USP25: variants seen among roughly 807,000 people sequenced by gnomAD.
USP25 encodes ubiquitin specific peptidase 25.
Under a neutral mutation model 158.5 loss-of-function variants are expected in USP25, and 85 were observed. The ratio of observed to expected loss-of-function variants is 0.54; its 90% CI spans 0.45 to 0.64. The LOEUF is 0.64. Among genes scored for constraint, USP25 ranks in the 30% least tolerant of loss-of-function variants. USP25 has a pLI of 0.00. For missense variants in USP25, 1,242 were observed against 1,327.3 expected (o/e 0.94, Z 1.00); for synonymous variants, 464 against 460.4 (o/e 1.01, Z -0.10).
chr21:15,856,654 G>A (rs1318432246), intron 20 of USP25, among the ~76,000 whole-genome samples: 1 of 152,028 alleles, frequency 6.6e-6, no homozygotes, highest in Non-Finnish European at 1.5e-5. Flanking sequence ...TGTATTTTTA[G>A]TAGAGACAGG....
intron 1 of USP25, among the ~76,000 whole-genome samples, chr21:15,751,683 CT>C (rs1217676289): frequency 2.0e-5 from 3 of 152,188 alleles, no homozygotes; most frequent in Non-Finnish European, 1.5e-5. Context: ...AATATAGGCA[CT>C]CTAATTTAAA....
rs1173324560 is a variant in USP25, at chr21:15,730,349, G to C, written c.-45G>C. 1 of 1,153,234 alleles carries C rather than the reference G, an allele frequency of 8.7e-7. No homozygotes were observed. The highest frequency in any genetic ancestry group is 1.1e-6 in the Non-Finnish European group (1 of 939,176). The allele number at this position is 1,153,234 out of a possible 1,614,324, so 71.4% of individuals were successfully genotyped here. ...CAGCCAGGGCCGGCGGAGGCGCGAGGAGCCGGGCGCCACCGCCGCCGCCGC... is the reference window on the plus strand; with the variant it reads ...CAGCCAGGGCCGGCGGAGGCGCGAGCAGCCGGGCGCCACCGCCGCCGCCGC... On this transcript the variant is annotated 5_prime_UTR_variant, in exon 1 of 26. Transcript: ENST00000400183.
chr21:15,753,105 T>G (rs2033141302), intron 1 of USP25, among the ~76,000 whole-genome samples: 1 of 152,162 alleles, frequency 6.6e-6, no homozygotes, highest in Non-Finnish European at 1.5e-5. Context: ...GGAGGTTTTA[T>G]GGGGTGATGG....
intron 1 of USP25, 90 bp from the exon 2 acceptor site, chr21:15,762,801 G>C (rs2033810199): frequency 8.2e-7 from 1 of 1,226,286 alleles, no homozygotes; most frequent in Non-Finnish European, 1.1e-6. Context: ...TTTTTTGTTT[G>C]TTTTGGAAAA....
chr21:15,868,539 C>A lies in USP25; in HGVS notation c.2806-1529C>A, dbSNP rs1234310750. Among the ~76,000 whole-genome samples the A allele has an allele frequency of 3.9e-5, 6 of 152,240 alleles. No individual in the cohort carries two copies. The East Asian group carries it at 7.7e-4, about 20-fold the overall frequency. ...TATTCTAACTGCAGGGCTGTTAAATCATACAAGTATTTAAATGACTTGTTT... is the reference window on the plus strand; with the variant it reads ...TATTCTAACTGCAGGGCTGTTAAATAATACAAGTATTTAAATGACTTGTTT... On this transcript the variant is annotated intron_variant, in intron 22 of 25. Coordinates refer to ENST00000400183, the MANE Select transcript of USP25 (RefSeq NM_001283041.3).
At chr21:15,775,767 C>T (rs2034619528) in intron 3 of USP25, among the ~76,000 whole-genome samples, 1 of 133,998 alleles carries the variant, frequency 7.5e-6, no homozygotes, top group South Asian at 2.8e-4. Flanking sequence ...CCCCGCTGCA[C>T]TCTGCCTTCC....
intron 1 of USP25, among the ~76,000 whole-genome samples, chr21:15,757,170 C>A (rs907032655): frequency 3.9e-5 from 6 of 152,162 alleles, no homozygotes; most frequent in African/African-American, 1.2e-4. Context: ...AAAAACACAA[C>A]TGGAAGATGC....
chr21:15,868,739 A>G (rs1197376030), intron 22 of USP25, among the ~76,000 whole-genome samples: 1 of 152,176 alleles, frequency 6.6e-6, no homozygotes, highest in African/African-American at 2.4e-5. Context: ...GAGTTGAGTA[A>G]CTGAAGAAGA....
At chr21:15,746,770 G>C (rs552400831) in intron 1 of USP25, among the ~76,000 whole-genome samples, 67 of 152,248 alleles carry the variant, frequency 4.4e-4, no homozygotes, top group African/African-American at 1.5e-3. Context: ...TATGAAGCTT[G>C]TATCTGCGAC....
Position 15,834,859 on chromosome 21 carries a change from C to A in USP25, c.2194+1311C>A, listed in dbSNP as rs551396767. Among the ~76,000 whole-genome samples the A allele has an allele frequency of 3.3e-5, 5 of 152,264 alleles. No individual in the cohort carries two copies. In the South Asian group the frequency reaches 1.0e-3, roughly 32 times the overall value. ...GGGCTGCACTTTTCCCCCACGTGTA[C>A]AAGGCTACCGCGTAGAGCAGGTGAA... is the stretch of plus-strand genomic sequence containing the variant. On this transcript the variant is annotated intron_variant, in intron 17 of 25. Transcript: ENST00000400183.
At chr21:15,847,849 G>T in intron 19 of USP25, 73 bp downstream of exon 19, 1 of 945,044 alleles carries the variant, frequency 1.1e-6, no homozygotes, top group South Asian at 1.6e-5. Flanking sequence ...GGGCATGCCT[G>T]CACCCTCATA....
chr21:15,825,021 CT>C lies in USP25; in HGVS notation c.1265del (p.Leu422ArgfsTer12). 6.2e-7 allele frequency: 1 copy of C among 1,611,602 alleles called. No homozygotes were observed. Among genetic ancestry groups the C allele is most frequent in the East Asian group, 2.2e-5 (1 of 44,658 alleles). On this transcript the variant is annotated frameshift_variant, in exon 12 of 26. Transcript: ENST00000400183. LOFTEE classifies it high-confidence loss of function. The part of the protein sequence containing the change: ...TRIKREEIKR[L>X]KDYLTVLQQR... ...AATTAAGAGGGAAGAGATCAAGAGA[CT>C]GAAAGATTACCTCACGGTATTACAA... is the stretch of plus-strand genomic sequence containing the variant.
chr21:15,807,587 G>A (rs2036455781), intron 7 of USP25, among the ~76,000 whole-genome samples: 1 of 152,146 alleles, frequency 6.6e-6, no homozygotes, highest in Non-Finnish European at 1.5e-5. Context: ...TGCTTCCACC[G>A]TACTCTGGTG....
intron 9 of USP25, among the ~76,000 whole-genome samples, chr21:15,814,082 T>G (rs2036811032): frequency 6.6e-6 from 1 of 150,586 alleles, no homozygotes; most frequent in African/African-American, 2.4e-5. Flanking sequence ...AAGGCACTTC[T>G]TCCATGGCGG....
At chr21:15,819,115 G>C (rs1449788830) in intron 10 of USP25, among the ~76,000 whole-genome samples, 1 of 152,048 alleles carries the variant, frequency 6.6e-6, no homozygotes, top group Non-Finnish European at 1.5e-5. Flanking sequence ...TTTCAATCAA[G>C]GTACCAGCCA....
At chr21:15,867,104 T>G (rs934136637) in intron 22 of USP25, among the ~76,000 whole-genome samples, 8 of 152,176 alleles carry the variant, frequency 5.3e-5, no homozygotes, top group African/African-American at 1.9e-4. Flanking sequence ...GGGATTTTTT[T>G]GTGCACAAAA....
Position 15,766,913 on chromosome 21 carries a change from G to A in USP25, c.268+772G>A, listed in dbSNP as rs1375963336. On this transcript the variant is annotated intron_variant, in intron 3 of 25. Coordinates refer to ENST00000400183, the MANE Select transcript of USP25 (RefSeq NM_001283041.3). The surrounding 1 kb of genome is among the most constrained non-coding windows in gnomAD (Gnocchi z 4.0). ...TTATAGACATTCTCAAAGTTAGGAA[G>A]CAACCAGAAAAGAGTTCGTTTACAT... Among the ~76,000 whole-genome samples, 4 of 152,004 alleles carry A rather than the reference G, an allele frequency of 2.6e-5. No individual in the cohort carries two copies. The highest frequency in any genetic ancestry group is 5.9e-5 in the Non-Finnish European group (4 of 67,936).
rs1402647386 is a variant in USP25, at chr21:15,830,572, T to C, written c.1735T>C (p.Leu579=). The change falls in exon 15 of 26, where the codon TTA becomes CTA. Residue 579 remains leucine (L), a synonymous_variant. Coordinates refer to ENST00000400183, the MANE Select transcript of USP25 (RefSeq NM_001283041.3). ...SISRIHRTIE[L]MYSDKSMIQV... ...ATCCAGAATCCATCGAACAATTGAATTAATGTACTCTGACAAATCTATGAT... is the reference window on the plus strand; with the variant it reads ...ATCCAGAATCCATCGAACAATTGAACTAATGTACTCTGACAAATCTATGAT... The C allele has an allele frequency of 6.2e-7, 1 of 1,604,756 alleles. No homozygotes were observed. Among genetic ancestry groups the C allele is most frequent in the Non-Finnish European group, 8.5e-7 (1 of 1,175,888 alleles).
chr21:15,821,914 T>C (rs1460747260), intron 10 of USP25, among the ~76,000 whole-genome samples: 1 of 151,962 alleles, frequency 6.6e-6, no homozygotes, highest in Non-Finnish European at 1.5e-5. Flanking sequence ...CAGGTGAGAT[T>C]TCTAGAATTG....
Sources: gnomAD v4.1 joint callset for allele counts (sites outside exome capture counted in the v4.1 genomes callset) on GRCh38, gnomAD v4.1.1 for gene constraint, Gnocchi (gnomAD v3.1) non-coding constraint, MANE v1.5 for transcripts, NCBI Gene and HGNC (gene_info 2026-07-23, HGNC 2026-07-21) for gene names.